Variants in NR4A2 observed in about 807,000 individuals in gnomAD.
The protein encoded by NR4A2 is NGFI-B/nur77 beta-type transcription factor homolog.
In NR4A2, 1 loss-of-function variant was observed where a neutral mutation model predicts 50.5. The observed-to-expected ratio is 0.02, with a 90% CI of 0.01 to 0.09. The LOEUF (loss-of-function observed/expected upper bound fraction) is 0.09. Ranked by LOEUF, NR4A2 falls within the 10% of genes least tolerant of loss-of-function variation. The pLI is 1.00. For missense variants in NR4A2, 613 were observed against 777.3 expected (o/e 0.79, Z 2.51); for synonymous variants, 328 against 309.4 (o/e 1.06, Z -0.63).
chr2:156,328,634 C>A lies in NR4A2; in HGVS notation c.865-101G>T. On this transcript the variant is annotated intron_variant, in intron 3 of 7. Coordinates refer to ENST00000339562, the MANE Select transcript of NR4A2 (RefSeq NM_006186.4). The surrounding 1 kb of genome is among the most constrained non-coding windows in gnomAD (Gnocchi z 4.9). ...TATGTGACTGGGGTCTACGATTCCTCCCCACAAACAAACACATACACACAA... is the reference window on the plus strand; with the variant it reads ...TATGTGACTGGGGTCTACGATTCCTACCCACAAACAAACACATACACACAA... 1 of 1,414,542 alleles carries A rather than the reference C, an allele frequency of 7.1e-7. No homozygotes were observed. The highest frequency in any genetic ancestry group is 1.0e-6 in the Non-Finnish European group (1 of 1,003,132). The allele number at this position is 1,414,542 out of a possible 1,614,324, so 87.6% of individuals were successfully genotyped here. A position where few individuals can be genotyped will look rare whatever the true frequency, so the allele number is the denominator to read the frequency against.
chr2:156,332,581 G>C lies in NR4A2; in HGVS notation c.-228C>G. ...GGTCGGGTAGGGGTGGGAGAGCTGGGCGAAGGGAACCCGGACACCTCACGG... is the reference window on the plus strand; with the variant it reads ...GGTCGGGTAGGGGTGGGAGAGCTGGCCGAAGGGAACCCGGACACCTCACGG... On this transcript the variant is annotated 5_prime_UTR_variant, in exon 1 of 8. Transcript: ENST00000339562. 9.3e-7 allele frequency: 1 copy of C among 1,072,142 alleles called. No individual in the cohort carries two copies. Among genetic ancestry groups the C allele is most frequent in the Non-Finnish European group, 1.3e-6 (1 of 792,078 alleles). The allele number at this position is 1,072,142 out of a possible 1,614,324, so 66.4% of individuals were successfully genotyped here. A position where few individuals can be genotyped will look rare whatever the true frequency, so the allele number is the denominator to read the frequency against.
rs751944066 is a variant in NR4A2, at chr2:156,326,857, C to T, written c.1222G>A (p.Asp408Asn). 6 of 1,614,114 alleles carry T rather than the reference C, an allele frequency of 3.7e-6. No homozygotes were observed. The Admixed American group carries it at 5.0e-5, about 13-fold the overall frequency. ...ATCTCCATGGAGCCAGTCAGGAGAT[C>T]ATAGAATTGCTGGATATGCTGGGTG... ...DDTQHIQQFY[D>N]LLTGSMEIIR... is the part of the protein sequence containing the mutation. The change falls in exon 6 of 8, where the codon GAT (aspartate) becomes AAT (asparagine). Residue 408 changes from aspartate (D) to asparagine (N), a missense_variant. This residue lies in a region of NR4A2 where 250 missense variants were observed against 311.3 expected (regional missense o/e 0.80). Coordinates refer to ENST00000339562, the MANE Select transcript of NR4A2 (RefSeq NM_006186.4). The surrounding 1 kb of genome is among the most constrained non-coding windows in gnomAD (Gnocchi z 4.2).
intron 2 of NR4A2, 41 bp from the exon 3 acceptor site, chr2:156,330,229 A>G: frequency 6.2e-7 from 1 of 1,610,550 alleles, no homozygotes; most frequent in Non-Finnish European, 8.5e-7. Flanking sequence ...AGCCTGGTCA[A>G]CTGAACACTT....
In NR4A2 at chr2:156,326,512, C is replaced by T. The variant is rs1686648604; in HGVS notation, c.1362-184G>A. Among the ~76,000 whole-genome samples the T allele has an allele frequency of 6.6e-6, 1 of 152,162 alleles. No homozygotes were observed. The highest frequency in any genetic ancestry group is 1.5e-5 in the Non-Finnish European group (1 of 68,022). ...ATAACAATCAAGAACGCCCCCTATC[C>T]CACCTCCATTCCATTCATCCAAGGC... is the stretch of plus-strand genomic sequence containing the variant. On this transcript the variant is annotated intron_variant, in intron 6 of 7. Coordinates refer to ENST00000339562, the MANE Select transcript of NR4A2 (RefSeq NM_006186.4). This position sits in a 1 kb window ranked among gnomAD's most constrained non-coding sequence, Gnocchi z 4.2.
At position 156,329,428 on chromosome 2, in the gene NR4A2, C is replaced by T. The variant is rs201639169; in HGVS notation, c.759G>A (p.Ser253=). 16 of 1,609,282 alleles carry T rather than the reference C, an allele frequency of 9.9e-6. No homozygotes were observed. Among genetic ancestry groups the T allele is most frequent in the African/African-American group, 9.3e-5 (7 of 75,034 alleles). ...GCCCCTCGTTGGAGGGGGAGCCCCG[C>T]GACGGCGGTGAGGGCACCTGCGTGT... ...LLDTQVPSPP[S]RGSPSNEGLC... is the part of the protein sequence containing the mutation. The change falls in exon 3 of 8, where the codon TCG becomes TCA. Residue 253 remains serine (S), a synonymous_variant. Transcript: ENST00000339562. This position sits in a 1 kb window ranked among gnomAD's most constrained non-coding sequence, Gnocchi z 7.5.
At position 156,324,467 on chromosome 2, in the gene NR4A2, T is replaced by C. The variant is rs1053583677; in HGVS notation, c.*1277A>G. On this transcript the variant is annotated 3_prime_UTR_variant, in exon 8 of 8. Coordinates refer to ENST00000339562, the MANE Select transcript of NR4A2 (RefSeq NM_006186.4). The stretch of plus-strand genomic sequence containing the variant: ...TTACATGGTTTATTGTTGTAAACAT[T>C]AAAATTGTCTTTCTCAAAGAAAGAA... The C allele has an allele frequency of 6.6e-6, 1 of 152,378 alleles. No individual in the cohort carries two copies. Among genetic ancestry groups the C allele is most frequent in the African/African-American group, 2.4e-5 (1 of 41,440 alleles). The allele number at this position is 152,378 out of a possible 1,614,324, so 9.4% of individuals were successfully genotyped here.
chr2:156,330,262 G>C (rs1016407010), intron 2 of NR4A2, 74 bp from the exon 3 acceptor site: 1 of 1,570,712 alleles, frequency 6.4e-7, no homozygotes. Flanking sequence ...GGGTACACCT[G>C]GAGCTACACC....
At position 156,329,952 on chromosome 2, in the gene NR4A2, A is replaced by G; in HGVS notation, c.235T>C (p.Tyr79His). 1.2e-6 allele frequency: 2 copies of G among 1,614,190 alleles called. No individual in the cohort carries two copies. Among genetic ancestry groups the G allele is most frequent in the East Asian group, 4.5e-5 (2 of 44,882 alleles). Residue 79 changes from tyrosine to histidine, a missense_variant, in exon 3 of 8, where the codon TAC becomes CAC. By Grantham distance (83) the Tyr-to-His change is moderately conservative (BLOSUM62 2). This residue lies in a region of NR4A2 where 61 missense variants were observed against 96.4 expected (regional missense o/e 0.63). Transcript: ENST00000339562. This position sits in a 1 kb window ranked among gnomAD's most constrained non-coding sequence, Gnocchi z 7.5. ...TGCTGTCCGGACAGGGGCATTTGGT[A>G]CAAGCAAGGTGGCTTGACGTCGTAG... ...TGYDVKPPCL[Y>H]QMPLSGQQSS... is the part of the protein sequence containing the mutation.
rs568819333 is a variant in NR4A2, at chr2:156,328,777, C to T, written c.865-244G>A. On this transcript the variant is annotated intron_variant, in intron 3 of 7. Coordinates refer to ENST00000339562, the MANE Select transcript of NR4A2 (RefSeq NM_006186.4). This position sits in a 1 kb window ranked among gnomAD's most constrained non-coding sequence, Gnocchi z 4.9. ...TTTGAGCTAACCTTGCCGCTCCTTG[C>T]TGTGTTTTATATGCCAAGAGAAGGA... Among the ~76,000 whole-genome samples the T allele has an allele frequency of 2.0e-4, 31 of 152,194 alleles. No individual in the cohort carries two copies. Among genetic ancestry groups the T allele is most frequent in the Non-Finnish European group, 1.6e-4 (11 of 68,016 alleles).
At chr2:156,327,048 G>A in intron 5 of NR4A2, 128 bp from the exon 6 acceptor site, 5 of 832,686 alleles carry the variant, frequency 6.0e-6, no homozygotes, top group East Asian at 5.2e-5. Context: ...GACCAGTAAG[G>A]AAATTAGATG....
intron 5 of NR4A2, among the ~76,000 whole-genome samples, chr2:156,327,556 T>A (rs1459636548): frequency 1.3e-5 from 2 of 151,084 alleles, no homozygotes; most frequent in East Asian, 3.9e-4. Context: ...GAGGCACTGG[T>A]GTATATGGAA....
chr2:156,331,591 C>T (rs1024552150), intron 1 of NR4A2, among the ~76,000 whole-genome samples: 6 of 152,208 alleles, frequency 3.9e-5, no homozygotes, highest in Admixed American at 2.0e-4. Context: ...ATAATGCCTT[C>T]CACAATCTGC....
Position 156,331,613 on chromosome 2 carries a change from A to G in NR4A2, c.-126-822T>C, listed in dbSNP as rs576503113. On this transcript the variant is annotated intron_variant, in intron 1 of 7. Coordinates refer to ENST00000339562, the MANE Select transcript of NR4A2 (RefSeq NM_006186.4). ...CTTCCACAATCTGCCTTTCTGGAAC[A>G]AGGCATTCTTGTGTCCTAGCAATTT... is the stretch of plus-strand genomic sequence containing the variant. 2.6e-5 allele frequency among the ~76,000 whole-genome samples: 4 copies of G among 152,358 alleles called. No homozygotes were observed. In the South Asian group the frequency reaches 8.3e-4, roughly 32 times the overall value.
At chr2:156,330,271 C>T (rs758980698) in intron 2 of NR4A2, 83 bp from the exon 3 acceptor site, 14 of 1,536,406 alleles carry the variant, frequency 9.1e-6, no homozygotes, top group Non-Finnish European at 1.1e-5. Flanking sequence ...TGGAGCTACA[C>T]CGGCAGCCCG....
chr2:156,327,783 G>C (rs1435246047), intron 5 of NR4A2, 68 bp downstream of exon 5: 3 of 1,529,756 alleles, frequency 2.0e-6, no homozygotes, highest in African/African-American at 2.8e-5. Context: ...AGTTAATGAC[G>C]GATGTGGGGA....
At position 156,327,913 on chromosome 2, in the gene NR4A2, T is replaced by C. The variant is rs199524734; in HGVS notation, c.1096A>G (p.Ser366Gly). Residue 366 changes from serine to glycine, a missense_variant, in exon 5 of 8, where the codon AGT becomes GGT. By Grantham distance (56) the Ser-to-Gly change is moderately conservative (BLOSUM62 0). Transcript: ENST00000339562. ...TCGACATGGGCCCTGACGAGGGCAC[T>C]GATCAGACTCACCGGGGGCGAAGGG... ...SPPSPPVSLI[S>G]ALVRAHVDSN... 27 of 1,597,022 alleles carry C rather than the reference T, an allele frequency of 1.7e-5. No individual in the cohort carries two copies. In the African/African-American group the frequency reaches 2.9e-4, roughly 17 times the overall value.
chr2:156,325,999 C>T lies in NR4A2; in HGVS notation c.1542G>A (p.Glu514=), dbSNP rs1686626120. 1 of 1,614,020 alleles carries T rather than the reference C, an allele frequency of 6.2e-7. No individual in the cohort carries two copies. The highest frequency in any genetic ancestry group is 1.7e-5 in the Admixed American group (1 of 60,006). Residue 514 remains glutamate, a splice_region_variant and synonymous_variant, in exon 8 of 8, where the codon GAG becomes GAA. Coordinates refer to ENST00000339562, the MANE Select transcript of NR4A2 (RefSeq NM_006186.4). ...SCIAALAMVT[E]RHGLKEPKRV... ...TCTTGGGTTCCTTGAGCCCGTGTCT[C>T]TCTGCAGAAAACATAATCAGAAACA...
chr2:156,329,820 T>C lies in NR4A2; in HGVS notation c.367A>G (p.Lys123Glu). Reference protein sequence around the residue: ...MMPHSGSVYYKPSSPPTPTTP... With the variant: ...MMPHSGSVYYEPSSPPTPTTP... The stretch of plus-strand genomic sequence containing the variant: ...GTGGGCGTCGGGGGCGAGGAGGGCT[T>C]GTAGTAAACCGACCCGGAGTGCGGC... The change falls in exon 3 of 8, where the codon AAG (lysine) becomes GAG (glutamate). Residue 123 changes from lysine (K) to glutamate (E), a missense_variant. By Grantham distance (56) the Lys-to-Glu change is moderately conservative. This residue lies in a region of NR4A2 where 275 missense variants were observed against 248.9 expected (regional missense o/e 1.10). Coordinates refer to ENST00000339562, the MANE Select transcript of NR4A2 (RefSeq NM_006186.4). The surrounding 1 kb of genome is among the most constrained non-coding windows in gnomAD (Gnocchi z 7.5). 1.2e-6 allele frequency: 2 copies of C among 1,613,978 alleles called. No homozygotes were observed. Among genetic ancestry groups the C allele is most frequent in the Non-Finnish European group, 1.7e-6 (2 of 1,179,946 alleles).
At chr2:156,327,369 C>A (rs1242492749) in intron 5 of NR4A2, among the ~76,000 whole-genome samples, 1 of 152,196 alleles carries the variant, frequency 6.6e-6, no homozygotes, top group Non-Finnish European at 1.5e-5. Flanking sequence ...ATCCCCCACC[C>A]CACTGGCATT....
Sources: allele counts gnomAD v4.1 joint callset (sites outside exome capture counted in the v4.1 genomes callset), GRCh38; gene constraint gnomAD v4.1.1; regional missense constraint gnomAD v4.1.1; non-coding constraint Gnocchi (gnomAD v3.1); transcripts MANE v1.5; gene names NCBI Gene and HGNC (gene_info 2026-07-23, HGNC 2026-07-21).